The following SEC63 variants were observed in gnomAD, a reference collection of about 807,000 sequenced individuals.
SEC63 encodes translocation protein SEC63 homolog.
In SEC63, 56 loss-of-function variants were observed where a neutral mutation model predicts 116.2. That is an observed-to-expected ratio of 0.48 (90% confidence interval 0.39 to 0.60). SEC63 has a LOEUF of 0.60. SEC63 is among the 20% of genes least tolerant of loss of function. The pLI is 0.00. For synonymous variants in SEC63, 273 were observed against 294.6 expected, an observed-to-expected ratio of 0.93 and a Z score of 0.75; for missense variants, 668 against 900.0, an observed-to-expected ratio of 0.74 and a Z score of 3.30.
intron 2 of SEC63, among the ~76,000 whole-genome samples, 154 bp downstream of exon 2, chr6:107,929,261 C>T (rs1787743903): frequency 6.6e-6 from 1 of 152,184 alleles, no homozygotes; most frequent in African/African-American, 2.4e-5. Flanking sequence ...CCAATCTGTT[C>T]AGACTGTTCC....
At chr6:107,936,235 A>AC (rs765279708) in intron 1 of SEC63, among the ~76,000 whole-genome samples, 3 of 152,210 alleles carry the variant, frequency 2.0e-5, no homozygotes, top group Non-Finnish European at 4.4e-5. Context: ...CACTCTTCCA[A>AC]CCTAAAAATT....
intron 4 of SEC63, among the ~76,000 whole-genome samples, chr6:107,917,634 A>T (rs1562328314): frequency 6.6e-6 from 1 of 152,230 alleles, no homozygotes; most frequent in Non-Finnish European, 1.5e-5. Flanking sequence ...GAACACACAA[A>T]TAATAAGAAA....
At chr6:107,894,536 C>T (rs1786769345) in intron 14 of SEC63, among the ~76,000 whole-genome samples, 1 of 151,758 alleles carries the variant, frequency 6.6e-6, no homozygotes, top group African/African-American at 2.4e-5. Flanking sequence ...TGAAAATCTA[C>T]ATATCCTAAA....
At chr6:107,903,654 A>C (rs9486745) in intron 11 of SEC63, among the ~76,000 whole-genome samples, 1 of 151,964 alleles carries the variant, frequency 6.6e-6, no homozygotes, top group Non-Finnish European at 1.5e-5. Context: ...GCAGTGAGCT[A>C]TGATTACCCT....
chr6:107,903,857 T>A (rs112033998), intron 11 of SEC63, among the ~76,000 whole-genome samples: 17,265 of 152,174 alleles, frequency 0.11, 1,106 homozygotes, highest in South Asian at 0.26. Context: ...TAAATTATCA[T>A]GCCTGTAATC....
chr6:107,935,213 A>AG (rs1194018323), intron 1 of SEC63, among the ~76,000 whole-genome samples: 6 of 150,804 alleles, frequency 4.0e-5, no homozygotes, highest in East Asian at 2.0e-4. Context: ...CTGGGAGATG[A>AG]GGGGCGCCTC....
At chr6:107,957,414 G>A (rs910661657) in intron 1 of SEC63, 1 of 152,756 alleles carries the variant, frequency 6.5e-6, no homozygotes, top group African/African-American at 2.4e-5. Context: ...ACCCGGCTCA[G>A]AGATGCCCTA....
At chr6:107,952,183 G>A (rs909211816) in intron 1 of SEC63, among the ~76,000 whole-genome samples, 6 of 152,072 alleles carry the variant, frequency 3.9e-5, no homozygotes, top group Admixed American at 1.3e-4. Context: ...TTATAAGTAC[G>A]CTTAGCTAAA....
intron 1 of SEC63, among the ~76,000 whole-genome samples, chr6:107,953,744 TG>T (rs1770633562): frequency 9.7e-6 from 1 of 102,666 alleles, no homozygotes; most frequent in Admixed American, 1.0e-4. Flanking sequence ...GGGAGGGAGG[TG>T]GGGGGTTCAG....
intron 13 of SEC63, 134 bp downstream of exon 13, chr6:107,901,236 G>T: frequency 2.3e-6 from 2 of 872,904 alleles, no homozygotes; most frequent in Non-Finnish European, 1.9e-6. Context: ...AATCTGACAG[G>T]TAAACTACAG....
chr6:107,953,904 C>T (rs1770643303), intron 1 of SEC63, among the ~76,000 whole-genome samples: 1 of 151,836 alleles, frequency 6.6e-6, no homozygotes, highest in African/African-American at 2.4e-5. Flanking sequence ...CGCCTCTCCT[C>T]AGCCGCCCCT....
chr6:107,958,112 G>A lies in SEC63; in HGVS notation c.-103C>T. ...GCCCGAGTGGCGTAGCTTGGACACTGCCGCCGCCGCCTCTCCTCCCCGCCC... is the reference window on the plus strand; with the variant it reads ...GCCCGAGTGGCGTAGCTTGGACACTACCGCCGCCGCCTCTCCTCCCCGCCC... On this transcript the variant is annotated 5_prime_UTR_variant, in exon 1 of 21. Transcript: ENST00000369002. 3 of 1,521,208 alleles carry A rather than the reference G, an allele frequency of 2.0e-6. No individual in the cohort carries two copies. Among genetic ancestry groups the A allele is most frequent in the Non-Finnish European group, 2.7e-6 (3 of 1,116,228 alleles). 94.2% of individuals were successfully genotyped at this position (1,521,208 alleles called of 1,614,324 possible). A position where few individuals can be genotyped will look rare whatever the true frequency, so the allele number is the denominator to read the frequency against.
chr6:107,928,404 C>A (rs1249513637), intron 2 of SEC63, among the ~76,000 whole-genome samples: 1 of 151,652 alleles, frequency 6.6e-6, no homozygotes. Flanking sequence ...TGGGAGGATG[C>A]CTGAGCCCAA....
At chr6:107,957,342 A>T (rs1362291074) in intron 1 of SEC63, 1 of 152,314 alleles carries the variant, frequency 6.6e-6, no homozygotes, top group East Asian at 1.9e-4. Flanking sequence ...CAAATGAAAA[A>T]GCAACGGGAG....
At chr6:107,911,430 G>A (rs750172253) in intron 6 of SEC63, 34 bp from the exon 7 acceptor site, 62 of 1,443,942 alleles carry the variant, frequency 4.3e-5, no homozygotes, top group Non-Finnish European at 5.6e-5. Context: ...TATGGCCTTC[G>A]TCAGGTAAAT....
intron 1 of SEC63, among the ~76,000 whole-genome samples, chr6:107,956,686 T>C (rs1005579520): frequency 1.3e-5 from 2 of 152,210 alleles, no homozygotes; most frequent in Admixed American, 1.3e-4. Flanking sequence ...TTTATTTTAG[T>C]TCTATTCCAA....
chr6:107,876,018 A>G (rs940631160), intron 19 of SEC63, among the ~76,000 whole-genome samples: 119 of 152,318 alleles, frequency 7.8e-4, no homozygotes, highest in African/African-American at 2.8e-3. Context: ...TTTGTCCACC[A>G]AGTACAGGCA....
chr6:107,875,212 T>C (rs1014994764), intron 19 of SEC63, among the ~76,000 whole-genome samples: 24 of 152,238 alleles, frequency 1.6e-4, no homozygotes, highest in African/African-American at 3.4e-4. Context: ...AGGGGTGTCA[T>C]GTCATGATGT....
intron 16 of SEC63, 26 bp downstream of exon 16, chr6:107,893,455 TG>T (rs755197524): frequency 6.2e-7 from 1 of 1,600,310 alleles, no homozygotes; most frequent in South Asian, 1.1e-5. Flanking sequence ...AGCTTAATAA[TG>T]ATAATAACGA....
Sources: allele counts gnomAD v4.1 joint callset (sites outside exome capture counted in the v4.1 genomes callset), GRCh38; gene constraint gnomAD v4.1.1; transcripts MANE v1.5; gene names NCBI Gene and HGNC (gene_info 2026-07-23, HGNC 2026-07-21).